The following ZNF469 variants were observed in gnomAD, a reference collection of about 807,000 sequenced individuals.
ZNF469 encodes zinc finger protein 469.
A neutral mutation model predicts 1.0 loss-of-function variants in ZNF469; 1 was observed. The observed-to-expected ratio is 1.00, with a 90% CI of 0.35 to 4.73. The LOEUF is 4.73. ZNF469 is among the 30% of genes most tolerant of loss of function. The pLI is 0.16. For synonymous variants in ZNF469, 2,703 were observed against 2,363.4 expected (o/e 1.14, Z -4.17); for missense variants, 6,100 against 5,356.3 (o/e 1.14, Z -4.33).
the ZNF469 span, among the ~76,000 whole-genome samples, chr16:88,359,498 T>C: frequency 6.6e-6 from 1 of 152,210 alleles, no homozygotes. Flanking sequence ...TGGGAAGGAG[T>C]TTTGATTTAC....
chr16:88,391,621 C>G (rs1342518778), intron 1 of ZNF469, among the ~76,000 whole-genome samples: 1 of 152,202 alleles, frequency 6.6e-6, no homozygotes, highest in African/African-American at 2.4e-5. Flanking sequence ...GGTGGGAAGG[C>G]TCTTGGGACA....
At chr16:88,212,215 G>A in the ZNF469 span, among the ~76,000 whole-genome samples, 14 of 152,046 alleles carry the variant, frequency 9.2e-5, no homozygotes, top group Non-Finnish European at 1.6e-4. Flanking sequence ...GCTATGCCTC[G>A]GAATCACTTG....
the ZNF469 span, chr16:88,177,953 C>G: frequency 6.6e-6 from 1 of 152,242 alleles, no homozygotes; most frequent in Non-Finnish European, 1.5e-5. The surrounding 1 kb of genome is among the most constrained non-coding windows in gnomAD (Gnocchi z 4.8). Context: ...TCAGGTGATC[C>G]ACCCGCCTCA....
chr16:88,391,504 A>AG (rs5818674), intron 1 of ZNF469, among the ~76,000 whole-genome samples: 103,283 of 152,214 alleles, frequency 0.68, 35,690 homozygotes, highest in African/African-American at 0.8. Flanking sequence ...ACCCAAGGCA[A>AG]GGGTGTCCCT....
the ZNF469 span, among the ~76,000 whole-genome samples, chr16:88,331,100 T>G: frequency 4.6e-5 from 5 of 108,180 alleles, no homozygotes; most frequent in East Asian, 1.5e-3. Flanking sequence ...CTATCACCAT[T>G]GTCACCATCG....
chr16:88,309,788 A>C, the ZNF469 span, among the ~76,000 whole-genome samples: 1 of 151,590 alleles, frequency 6.6e-6, no homozygotes, highest in Non-Finnish European at 1.5e-5. Context: ...AGTGTGGTTC[A>C]CTCTCCTCAA....
At chr16:88,149,773 C>T in the ZNF469 span, among the ~76,000 whole-genome samples, 2 of 152,176 alleles carry the variant, frequency 1.3e-5, no homozygotes, top group Admixed American at 6.5e-5. Context: ...TGGGCAGGCT[C>T]TCTTTCCCTC....
the ZNF469 span, among the ~76,000 whole-genome samples, chr16:88,212,866 G>A: frequency 6.6e-6 from 1 of 152,144 alleles, no homozygotes; most frequent in South Asian, 2.1e-4. Context: ...TTACAGGTGT[G>A]AGCCACTGCT....
chr16:88,152,883 T>C, the ZNF469 span, among the ~76,000 whole-genome samples: 4 of 152,160 alleles, frequency 2.6e-5, no homozygotes, highest in East Asian at 1.9e-4. This position sits in a 1 kb window ranked among gnomAD's most constrained non-coding sequence, Gnocchi z 4.2. Flanking sequence ...TTTTCATTAA[T>C]GGTTTTGGAG....
chr16:88,223,716 A>G, the ZNF469 span, among the ~76,000 whole-genome samples: 1 of 152,200 alleles, frequency 6.6e-6, no homozygotes, highest in Non-Finnish European at 1.5e-5. Flanking sequence ...ACTGGCTGGG[A>G]CCGTGTGAAA....
the ZNF469 span, among the ~76,000 whole-genome samples, chr16:88,260,401 T>C: frequency 6.6e-6 from 1 of 152,218 alleles, no homozygotes; most frequent in Non-Finnish European, 1.5e-5. The surrounding 1 kb of genome is among the most constrained non-coding windows in gnomAD (Gnocchi z 4.1). Flanking sequence ...CAATGAGCTC[T>C]GGGCCCCTGG....
chr16:88,256,204 T>C, the ZNF469 span, among the ~76,000 whole-genome samples: 1 of 152,218 alleles, frequency 6.6e-6, no homozygotes, highest in Non-Finnish European at 1.5e-5. Context: ...CTGTCCTGCC[T>C]GTTCATCTCA....
chr16:88,300,215 C>T, the ZNF469 span, among the ~76,000 whole-genome samples: 277 of 152,300 alleles, frequency 1.8e-3, 1 homozygote, highest in African/African-American at 6.3e-3. Flanking sequence ...ACTCCCAGAG[C>T]CACTGGGTTG....
At chr16:88,307,345 A>G in the ZNF469 span, among the ~76,000 whole-genome samples, 1 of 152,358 alleles carries the variant, frequency 6.6e-6, no homozygotes, top group East Asian at 1.9e-4. Context: ...CCATTTCTCT[A>G]GAGTCCCCAG....
the ZNF469 span, among the ~76,000 whole-genome samples, chr16:88,172,348 C>T: frequency 4.6e-5 from 7 of 152,232 alleles, no homozygotes; most frequent in South Asian, 1.5e-3. Context: ...TTCCCACCAG[C>T]CAGGATGGAA....
At chr16:88,305,470 T>A in the ZNF469 span, among the ~76,000 whole-genome samples, 1 of 72,020 alleles carries the variant, frequency 1.4e-5, no homozygotes, top group African/African-American at 5.7e-5. Context: ...ACGCACACCC[T>A]CACACGTGCA....
the ZNF469 span, among the ~76,000 whole-genome samples, chr16:88,333,600 A>G: frequency 6.6e-6 from 1 of 152,208 alleles, no homozygotes; most frequent in Non-Finnish European, 1.5e-5. Context: ...GACAGTTACA[A>G]CTTGGAGACA....
the ZNF469 span, among the ~76,000 whole-genome samples, chr16:88,334,900 T>C: frequency 1.4e-5 from 2 of 145,320 alleles, no homozygotes; most frequent in Non-Finnish European, 3.0e-5. Flanking sequence ...GAACGACACA[T>C]GTGTGACAGA....
chr16:88,202,958 T>C, the ZNF469 span, among the ~76,000 whole-genome samples: 3 of 152,180 alleles, frequency 2.0e-5, no homozygotes, highest in East Asian at 3.9e-4. Flanking sequence ...TCCTTTGCCG[T>C]GACAGTCTCT....
Sources: gnomAD v4.1 joint callset for allele counts (sites outside exome capture counted in the v4.1 genomes callset) on GRCh38, gnomAD v4.1.1 for gene constraint, Gnocchi (gnomAD v3.1) non-coding constraint, MANE v1.5 for transcripts, NCBI Gene and HGNC (gene_info 2026-07-23, HGNC 2026-07-21) for gene names.